IQSEC1: variants seen among roughly 807,000 people sequenced by gnomAD.
The protein encoded by IQSEC1 is IQ motif and Sec7 domain ArfGEF 1.
A neutral mutation model predicts 91.0 loss-of-function variants in IQSEC1; 31 were observed. The observed-to-expected ratio is 0.34, with a 90% CI of 0.26 to 0.46. The LOEUF (loss-of-function observed/expected upper bound fraction) is 0.46. Ranked by LOEUF, IQSEC1 falls within the 20% of genes least tolerant of loss-of-function variation. The pLI is 1.00. For missense variants in IQSEC1, 1,388 were observed against 1,575.6 expected (o/e 0.88, Z 2.02); for synonymous variants, 699 against 662.6 (o/e 1.05, Z -0.84).
chr3:13,006,632 G>A (rs1702647055), intron 1 of IQSEC1, among the ~76,000 whole-genome samples: 1 of 152,244 alleles, frequency 6.6e-6, no homozygotes, highest in African/African-American at 2.4e-5. Flanking sequence ...TGTGTAGTTT[G>A]TTACACAGCA....
intron 1 of IQSEC1, among the ~76,000 whole-genome samples, chr3:12,945,786 T>G (rs1036933693): frequency 3.9e-5 from 6 of 152,162 alleles, no homozygotes; most frequent in Non-Finnish European, 8.8e-5. Flanking sequence ...TTATCTGAAC[T>G]GATAAATAAA....
At chr3:12,931,285 C>T (rs1697651168) in intron 3 of IQSEC1, among the ~76,000 whole-genome samples, 1 of 152,178 alleles carries the variant, frequency 6.6e-6, no homozygotes, top group South Asian at 2.1e-4. Context: ...GTCCCAACCT[C>T]CAAAGACCCA....
At chr3:12,973,169 C>G (rs900429204) in intron 1 of IQSEC1, among the ~76,000 whole-genome samples, 1 of 152,180 alleles carries the variant, frequency 6.6e-6, no homozygotes, top group Admixed American at 6.5e-5. Context: ...TGACACTGAA[C>G]TGCTCAGGCA....
rs576159291 is a variant in IQSEC1 at position 13,143,879 on chromosome 3, T to C, written c.302+20225A>G. ...TGATGCCAGCTGCCCTTAGATTTTTTAGTTGCATAAATCATTCCTCCTGCT... is the reference window on the plus strand; with the variant it reads ...TGATGCCAGCTGCCCTTAGATTTTTCAGTTGCATAAATCATTCCTCCTGCT... On this transcript the variant is annotated intron_variant, in intron 2 of 15. Coordinates refer to the IQSEC1 transcript ENST00000648114. Among the ~76,000 whole-genome samples the C allele has an allele frequency of 2.6e-3, 396 of 152,298 alleles. 5 individuals carry two copies. Among genetic ancestry groups the C allele is most frequent in the African/African-American group, 9.0e-3 (373 of 41,566 alleles).
At chr3:12,928,975 G>A (rs1375030702) in intron 3 of IQSEC1, among the ~76,000 whole-genome samples, 1 of 152,176 alleles carries the variant, frequency 6.6e-6, no homozygotes, top group Admixed American at 6.5e-5. Context: ...TGCTATGCTA[G>A]CACAGTTATG....
intron 1 of IQSEC1, among the ~76,000 whole-genome samples, chr3:13,064,827 C>T (rs1705181557): frequency 1.3e-5 from 2 of 152,108 alleles, no homozygotes. Context: ...GGGGCCTGTC[C>T]TGCACAACCT....
intron 1 of IQSEC1, among the ~76,000 whole-genome samples, chr3:12,990,120 GC>G (rs1701921586): frequency 6.6e-6 from 1 of 152,180 alleles, no homozygotes; most frequent in Non-Finnish European, 1.5e-5. Flanking sequence ...AAACACGTTG[GC>G]ACTTTTAGGA....
intron 2 of IQSEC1, among the ~76,000 whole-genome samples, chr3:13,085,109 C>T (rs1053147106): frequency 3.9e-5 from 6 of 152,090 alleles, no homozygotes; most frequent in Non-Finnish European, 8.8e-5. Context: ...ATCGAACTCC[C>T]GCTTATTACG....
chr3:13,043,419 G>A (rs1484766799), intron 1 of IQSEC1, among the ~76,000 whole-genome samples: 6 of 152,138 alleles, frequency 3.9e-5, no homozygotes, highest in African/African-American at 1.4e-4. Context: ...AGATACAGTA[G>A]CCACCCTCAC....
At chr3:13,124,034 A>G (rs970952363) in intron 2 of IQSEC1, among the ~76,000 whole-genome samples, 3 of 152,352 alleles carry the variant, frequency 2.0e-5, no homozygotes. Flanking sequence ...CTGCCAACTC[A>G]ACCTGACCTT....
intron 2 of IQSEC1, among the ~76,000 whole-genome samples, chr3:13,092,476 CT>C (rs1171341787): frequency 6.6e-6 from 1 of 152,112 alleles, no homozygotes; most frequent in Non-Finnish European, 1.5e-5. Context: ...CACATGTCCT[CT>C]CCCCATCTGG....
At chr3:13,266,850 C>G (rs533036937) in intron 1 of IQSEC1, among the ~76,000 whole-genome samples, 56 of 152,280 alleles carry the variant, frequency 3.7e-4, no homozygotes, top group African/African-American at 1.3e-3. Flanking sequence ...TCTCAGCCCC[C>G]AAAACGGGGT....
At chr3:13,283,146 G>A (rs1257925587) in exon 1 of IQSEC1, among the ~76,000 whole-genome samples, 1 of 144,090 alleles carries the variant, frequency 6.9e-6, no homozygotes, top group African/African-American at 2.5e-5. Flanking sequence ...GGGCCCCCGC[G>A]CCTCCTGCTC....
chr3:13,060,226 G>T (rs1335224106), intron 1 of IQSEC1, among the ~76,000 whole-genome samples: 1 of 152,238 alleles, frequency 6.6e-6, no homozygotes, highest in African/African-American at 2.4e-5. Flanking sequence ...TTTGTGGCCA[G>T]TCAGCACCAT....
chr3:12,941,202 G>C (rs911689359), intron 2 of IQSEC1, among the ~76,000 whole-genome samples: 1 of 152,216 alleles, frequency 6.6e-6, no homozygotes, highest in African/African-American at 2.4e-5. Flanking sequence ...CACGTACCCA[G>C]TGTGTCCCGA....
intron 1 of IQSEC1, among the ~76,000 whole-genome samples, chr3:12,969,832 A>G (rs1261452217): frequency 6.6e-6 from 1 of 152,216 alleles, no homozygotes; most frequent in Non-Finnish European, 1.5e-5. Context: ...GGAATACCAG[A>G]TGATGGACAC....
chr3:13,098,023 G>C (rs1705993927), intron 2 of IQSEC1, among the ~76,000 whole-genome samples: 1 of 152,248 alleles, frequency 6.6e-6, no homozygotes, highest in African/African-American at 2.4e-5. Context: ...GAGCATCTCA[G>C]GGCCGACCCC....
rs572725505 is a variant in IQSEC1 at position 12,900,288 on chromosome 3, T to C, written c.*695A>G. 6.1e-6 allele frequency: 6 copies of C among 984,780 alleles called. No homozygotes were observed. The highest frequency in any genetic ancestry group is 9.4e-5 in the South Asian group (2 of 21,280). The allele number at this position is 984,780 out of a possible 1,614,324, so 61.0% of individuals were successfully genotyped here. A position where few individuals can be genotyped will look rare whatever the true frequency, so the allele number is the denominator to read the frequency against. On this transcript the variant is annotated 3_prime_UTR_variant, in exon 14 of 14. Transcript: ENST00000613206. Reference sequence around the variant, plus strand: ...AGAGGGACTTCTTTGTATGAAAATATGAAGTATCTGAATTTGTTCCTAGCA... The same window carrying C: ...AGAGGGACTTCTTTGTATGAAAATACGAAGTATCTGAATTTGTTCCTAGCA...
chr3:13,211,181 G>A lies in IQSEC1; in HGVS notation c.273-47048C>T, dbSNP rs1285382427. Among the ~76,000 whole-genome samples the A allele has an allele frequency of 6.6e-6, 1 of 152,246 alleles. No individual in the cohort carries two copies. Among genetic ancestry groups the A allele is most frequent in the Admixed American group, 6.5e-5 (1 of 15,286 alleles). On this transcript the variant is annotated intron_variant, in intron 1 of 15. Transcript: ENST00000648114. The surrounding 1 kb of genome is among the most constrained non-coding windows in gnomAD (Gnocchi z 5.3). ...TCTGTGTGGACAAGACACAGGGCAG[G>A]AGAACAGTGTAAGCACAGCCTGAAG...
Sources: allele counts gnomAD v4.1 joint callset (sites outside exome capture counted in the v4.1 genomes callset), GRCh38; gene constraint gnomAD v4.1.1; non-coding constraint Gnocchi (gnomAD v3.1); transcripts MANE v1.5; gene names NCBI Gene and HGNC (gene_info 2026-07-23, HGNC 2026-07-21).